Variants in ALDH1L2 observed in about 807,000 individuals in gnomAD.
The protein encoded by ALDH1L2 is aldehyde dehydrogenase 1 family member L2.
In ALDH1L2, 91 loss-of-function variants were observed where a neutral mutation model predicts 111.0. The observed-to-expected ratio is 0.82, with a 90% CI of 0.69 to 0.98. The LOEUF (loss-of-function observed/expected upper bound fraction) is 0.98. ALDH1L2 is among the 50% of genes least tolerant of loss of function. The pLI is 0.00. For missense variants in ALDH1L2, 995 were observed against 1,126.8 expected (o/e 0.88, Z 1.67); for synonymous variants, 374 against 392.6 (o/e 0.95, Z 0.56).
In ALDH1L2 at chr12:105,034,497, C is replaced by G; in HGVS notation, c.2146-99G>C. 2 of 983,096 alleles carry G rather than the reference C, an allele frequency of 2.0e-6. 1 individual carries two copies. 60.9% of individuals were successfully genotyped at this position (983,096 alleles called of 1,614,324 possible). On this transcript the variant is annotated intron_variant, in intron 18 of 22. Coordinates refer to ENST00000258494, the MANE Select transcript of ALDH1L2 (RefSeq NM_001034173.4). Reference sequence around the variant, plus strand: ...GGAGTTAGTTGTTTTTGGAAGACAGCAGGCAATATAGATAAGTCACAGACA... The same window carrying G: ...GGAGTTAGTTGTTTTTGGAAGACAGGAGGCAATATAGATAAGTCACAGACA...
At chr12:105,045,309 T>C (rs1875775435) in intron 15 of ALDH1L2, among the ~76,000 whole-genome samples, 1 of 152,190 alleles carries the variant, frequency 6.6e-6, no homozygotes, top group African/African-American at 2.4e-5. Context: ...GGTCTTGAAC[T>C]CCTGACCTCA....
At chr12:105,081,370 T>TG (rs1383617855) in intron 1 of ALDH1L2, among the ~76,000 whole-genome samples, 1 of 152,180 alleles carries the variant, frequency 6.6e-6, no homozygotes, top group Non-Finnish European at 1.5e-5. Context: ...CGGGCAATGA[T>TG]GAAACAAGAA....
rs1474641612 is a variant in ALDH1L2 at position 105,070,778 on chromosome 12, G to T, written c.220C>A (p.Pro74Thr). The T allele has an allele frequency of 1.2e-6, 2 of 1,613,618 alleles. No homozygotes were observed. The highest frequency in any genetic ancestry group is 1.7e-6 in the Non-Finnish European group (2 of 1,179,904). ...LALAAEKDGT[P>T]VFKLPKWRVK... is the part of the protein sequence containing the mutation. Reference sequence around the variant, plus strand: ...CTCCATTTAGGAAGCTTGAACACAGGGGTCCCATCTTTCTCTGCAGCCAAA... The same window carrying T: ...CTCCATTTAGGAAGCTTGAACACAGTGGTCCCATCTTTCTCTGCAGCCAAA... The change falls in exon 3 of 23, where the codon CCT becomes ACT. Residue 74 changes from proline (P) to threonine (T), a missense_variant. Transcript: ENST00000258494.
intron 9 of ALDH1L2, among the ~76,000 whole-genome samples, chr12:105,059,098 C>G (rs1479979190): frequency 6.6e-6 from 1 of 151,974 alleles, no homozygotes; most frequent in African/African-American, 2.4e-5. Context: ...GAAACCCCGT[C>G]TCTCCTAAAA....
At chr12:105,028,254 G>A (rs1233442053) in intron 21 of ALDH1L2, among the ~76,000 whole-genome samples, 2 of 152,150 alleles carry the variant, frequency 1.3e-5, no homozygotes, top group East Asian at 3.9e-4. Context: ...GAGATTACAG[G>A]TACATGCCAC....
At chr12:105,051,679 A>T (rs545034423) in intron 12 of ALDH1L2, among the ~76,000 whole-genome samples, 1 of 152,240 alleles carries the variant, frequency 6.6e-6, no homozygotes, top group Non-Finnish European at 1.5e-5. Flanking sequence ...AACAGAAGAC[A>T]TATTTCATAT....
intron 6 of ALDH1L2, among the ~76,000 whole-genome samples, chr12:105,063,818 A>G: frequency 6.6e-6 from 1 of 152,178 alleles, no homozygotes; most frequent in Admixed American, 6.5e-5. Context: ...AGTAACCAAG[A>G]GACACTGACG....
chr12:105,082,245 A>T (rs1470612514), intron 1 of ALDH1L2, among the ~76,000 whole-genome samples: 1 of 152,192 alleles, frequency 6.6e-6, no homozygotes, highest in Non-Finnish European at 1.5e-5. Flanking sequence ...CACCCTCTTC[A>T]GTGTACTGTG....
At chr12:105,044,788 A>C (rs1875742146) in intron 15 of ALDH1L2, among the ~76,000 whole-genome samples, 1 of 152,008 alleles carries the variant, frequency 6.6e-6, no homozygotes, top group South Asian at 2.1e-4. Flanking sequence ...AGCATGGTTT[A>C]TACAGCAAAA....
At position 105,070,683 on chromosome 12, in the gene ALDH1L2, G is replaced by C; in HGVS notation, c.315C>G (p.Leu105=). The C allele has an allele frequency of 6.2e-7, 1 of 1,614,180 alleles. No homozygotes were observed. The highest frequency in any genetic ancestry group is 8.5e-7 in the Non-Finnish European group (1 of 1,180,008). Residue 105 remains leucine (L), a synonymous_variant, in exon 3 of 23, where the codon CTC becomes CTG. Coordinates refer to ENST00000258494, the MANE Select transcript of ALDH1L2 (RefSeq NM_001034173.4). ...YRSVGAELNV[L]PFCTQFIPMD... Reference sequence around the variant, plus strand: ...TGGGAATGAACTGAGTGCAGAAAGGGAGCACATTTAGCTCTGCACCCACGG... The same window carrying C: ...TGGGAATGAACTGAGTGCAGAAAGGCAGCACATTTAGCTCTGCACCCACGG...
Position 105,065,375 on chromosome 12 carries a change from C to G in ALDH1L2, c.697-19G>C. 1 of 1,600,048 alleles carries G rather than the reference C, an allele frequency of 6.2e-7. No homozygotes were observed. On this transcript the variant is annotated intron_variant, in intron 5 of 22. Coordinates refer to ENST00000258494, the MANE Select transcript of ALDH1L2 (RefSeq NM_001034173.4). ...AAGAAATCTAGGAAGGCACAAAATA[C>G]AGGCTGAGCCTCCTATGGCTGTGAA...
chr12:105,038,108 G>C lies in ALDH1L2; in HGVS notation c.2140C>G (p.Arg714Gly), dbSNP rs376554461. 1.2e-6 allele frequency: 2 copies of C among 1,612,504 alleles called. No homozygotes were observed. The highest frequency in any genetic ancestry group is 2.2e-5 in the South Asian group (2 of 91,030). The change falls in exon 18 of 23, where the codon CGA becomes GGA. Residue 714 changes from arginine to glycine, a missense_variant. Physicochemically the swap from Arg to Gly is moderately radical, Grantham distance 125. Coordinates refer to ENST00000258494, the MANE Select transcript of ALDH1L2 (RefSeq NM_001034173.4). The part of the protein sequence containing the change: ...FNDCELDKAV[R>G]MGMGAVFFNK... ...TAAATTTGACCCTCTCTTACCATTC[G>C]CACAGCCTTGTCAAGTTCACAGTCA...
chr12:105,039,904 G>A, intron 16 of ALDH1L2, 98 bp from the exon 17 acceptor site: 9 of 990,082 alleles, frequency 9.1e-6, no homozygotes, highest in Non-Finnish European at 1.4e-5. Flanking sequence ...GCTGAGGCAA[G>A]CAGATCACAA....
intron 18 of ALDH1L2, among the ~76,000 whole-genome samples, chr12:105,035,391 A>C (rs1874929619): frequency 6.6e-6 from 1 of 151,996 alleles, no homozygotes; most frequent in African/African-American, 2.4e-5. Context: ...TGGCGTGATC[A>C]TGGCTCACTG....
In ALDH1L2 at chr12:105,026,727, A is replaced by G. The variant is rs1335345425; in HGVS notation, c.2534T>C (p.Leu845Ser). ...KFQNGDIDGV[L>S]QRANSTEYGL... The stretch of plus-strand genomic sequence containing the variant: ...ATACTCTGTACTATTTGCTCGCTGC[A>G]ACACTCCATCGATGTCCCTGTGTTT... The change falls in exon 22 of 23, where the codon TTG (leucine) becomes TCG (serine). Residue 845 changes from leucine (L) to serine (S), a missense_variant. Physicochemically the swap from Leu to Ser is moderately radical, Grantham distance 145 (BLOSUM62 -2). Coordinates refer to ENST00000258494, the MANE Select transcript of ALDH1L2 (RefSeq NM_001034173.4). The G allele has an allele frequency of 6.2e-7, 1 of 1,614,070 alleles. No individual in the cohort carries two copies. The highest frequency in any genetic ancestry group is 8.5e-7 in the Non-Finnish European group (1 of 1,180,018).
Position 105,049,247 on chromosome 12 carries a change from A to G in ALDH1L2, c.1686+661T>C, listed in dbSNP as rs979993712. 5.3e-5 allele frequency among the ~76,000 whole-genome samples: 8 copies of G among 152,290 alleles called. 1 individual carries two copies. Among genetic ancestry groups the G allele is most frequent in the Admixed American group, 2.0e-4 (3 of 15,300 alleles). ...GGAGATATTATAGTAAAATGCAAAG[A>G]AGATCATTAGACTTTAGATTCGGAA... On this transcript the variant is annotated intron_variant, in intron 13 of 22. Coordinates refer to ENST00000258494, the MANE Select transcript of ALDH1L2 (RefSeq NM_001034173.4).
chr12:105,046,654 G>T (rs1041903805), intron 15 of ALDH1L2, 56 bp downstream of exon 15: 1 of 1,438,916 alleles, frequency 6.9e-7, no homozygotes, highest in South Asian at 1.2e-5. Context: ...TCACTTTTTT[G>T]AAGTACTGGA....
chr12:105,046,193 C>CTATATATATATATATA (rs1555225141), intron 15 of ALDH1L2, among the ~76,000 whole-genome samples: 1 of 20,184 alleles, frequency 5.0e-5, no homozygotes, highest in African/African-American at 2.3e-4. Flanking sequence ...CTCTCTCTCT[C>CTATATATATATATATA]TATATATATA....
rs71069786 is a variant in ALDH1L2 at position 105,064,114 on chromosome 12, C to CTTTTTTTTTTTTTTTTTTTTTT, written c.787-1114_787-1093dup. ...TACAGGCACATGCCACCACACCGAGCTTTTTTTTTTTTTTTTTTTTTTTTT... is the reference window on the plus strand; with the variant it reads ...TACAGGCACATGCCACCACACCGAGCTTTTTTTTTTTTTTTTTTTTTTTTTTTTTTTTTTTTTTTTTTTTTTT... On this transcript the variant is annotated intron_variant, in intron 6 of 22. Transcript: ENST00000258494. Among the ~76,000 whole-genome samples the CTTTTTTTTTTTTTTTTTTTTTT allele has an allele frequency of 3.1e-4, 11 of 35,124 alleles. 3 individuals carry two copies. Among genetic ancestry groups the CTTTTTTTTTTTTTTTTTTTTTT allele is most frequent in the Non-Finnish European group, 5.9e-4 (11 of 18,600 alleles). The allele number at this position is 35,124 out of a possible 152,430, so 23.0% of individuals were successfully genotyped here.
Sources: gnomAD v4.1 joint callset for allele counts (sites outside exome capture counted in the v4.1 genomes callset) on GRCh38, gnomAD v4.1.1 for gene constraint, MANE v1.5 for transcripts, NCBI Gene and HGNC (gene_info 2026-07-23, HGNC 2026-07-21) for gene names.